Variants in EXOC5 observed in about 807,000 individuals in gnomAD.
The protein encoded by EXOC5 is SEC10-like 1.
Under a neutral mutation model 90.8 loss-of-function variants are expected in EXOC5, and 17 were observed. The observed-to-expected ratio is 0.19, with a 90% CI of 0.13 to 0.28. The LOEUF (loss-of-function observed/expected upper bound fraction) is 0.28. Ranked by LOEUF, EXOC5 falls within the 10% of genes least tolerant of loss-of-function variation. The probability of loss-of-function intolerance (pLI) is 1.00; values close to 1 mark genes in which losing one functional copy is unlikely to be tolerated. For missense variants in EXOC5, 569 were observed against 830.6 expected (o/e 0.69, Z 3.87); for synonymous variants, 260 against 270.0 (o/e 0.96, Z 0.36).
intron 5 of EXOC5, among the ~76,000 whole-genome samples, chr14:57,238,257 CAT>C (rs1883731804): frequency 2.0e-5 from 2 of 97,658 alleles, no homozygotes; most frequent in Admixed American, 2.3e-4. Context: ...CACACACACT[CAT>C]ATTCACCACC....
At chr14:57,254,004 A>C (rs1180377618) in intron 1 of EXOC5, among the ~76,000 whole-genome samples, 1 of 152,228 alleles carries the variant, frequency 6.6e-6, no homozygotes, top group Non-Finnish European at 1.5e-5. Flanking sequence ...AATCAGACTT[A>C]ATGAAAAATT....
intron 6 of EXOC5, among the ~76,000 whole-genome samples, chr14:57,236,624 G>A (rs369317894): frequency 1.3e-5 from 2 of 151,952 alleles, no homozygotes; most frequent in South Asian, 2.1e-4. Flanking sequence ...GGTTCTTAAC[G>A]AACACCTGAA....
At chr14:57,221,260 A>G (rs528751413) in intron 13 of EXOC5, among the ~76,000 whole-genome samples, 10 of 152,316 alleles carry the variant, frequency 6.6e-5, no homozygotes, top group African/African-American at 2.4e-4. Context: ...AGGAAAAACA[A>G]TAAGGGTCAG....
chr14:57,212,634 A>C (rs990409889), intron 15 of EXOC5, among the ~76,000 whole-genome samples: 3 of 152,172 alleles, frequency 2.0e-5, no homozygotes, highest in Admixed American at 6.5e-5. Flanking sequence ...ACTTATTCTC[A>C]CACCAGATTT....
intron 1 of EXOC5, among the ~76,000 whole-genome samples, chr14:57,248,289 A>G (rs1417639850): frequency 6.6e-6 from 1 of 152,032 alleles, no homozygotes; most frequent in African/African-American, 2.4e-5. Context: ...GGAAAAGCAT[A>G]TATGAATGCA....
chr14:57,263,857 C>G (rs1354033069), intron 1 of EXOC5, among the ~76,000 whole-genome samples: 2 of 151,544 alleles, frequency 1.3e-5, no homozygotes, highest in African/African-American at 4.8e-5. Context: ...CATCCTAACT[C>G]TTCTCAACTG....
intron 7 of EXOC5, among the ~76,000 whole-genome samples, chr14:57,234,262 T>C (rs1594664466): frequency 6.6e-6 from 1 of 151,902 alleles, no homozygotes; most frequent in Non-Finnish European, 1.5e-5. Flanking sequence ...CATATCCTTG[T>C]TGAACTTTAG....
chr14:57,244,095 T>C, intron 4 of EXOC5, 70 bp downstream of exon 4: 13 of 1,014,144 alleles, frequency 1.3e-5, no homozygotes, highest in Non-Finnish European at 1.9e-5. Flanking sequence ...TGGAAAGCAA[T>C]TATTGCAGCT....
At chr14:57,267,284 T>A (rs1318922028) in intron 1 of EXOC5, among the ~76,000 whole-genome samples, 1 of 152,230 alleles carries the variant, frequency 6.6e-6, no homozygotes, top group Admixed American at 6.5e-5. Context: ...GTCTTTCTTG[T>A]AATTACAATC....
intron 12 of EXOC5, among the ~76,000 whole-genome samples, chr14:57,223,020 A>G (rs984269433): frequency 2.6e-5 from 4 of 152,098 alleles, no homozygotes; most frequent in African/African-American, 9.7e-5. Context: ...TTCCTGATTA[A>G]GTGAACCTTT....
intron 15 of EXOC5, 26 bp downstream of exon 15, chr14:57,217,956 T>C: frequency 1.7e-6 from 2 of 1,161,232 alleles, no homozygotes; most frequent in South Asian, 2.5e-5. Context: ...TTTAAAAAAA[T>C]GCAAGAGACA....
intron 15 of EXOC5, among the ~76,000 whole-genome samples, chr14:57,213,351 C>T (rs1882880905): frequency 6.6e-6 from 1 of 151,418 alleles, no homozygotes; most frequent in Non-Finnish European, 1.5e-5. Context: ...CACTGCACAC[C>T]AGCCTGGGTG....
intron 2 of EXOC5, 148 bp from the exon 3 acceptor site, chr14:57,247,006 A>C (rs1242713037): frequency 5.3e-6 from 3 of 561,112 alleles, no homozygotes; most frequent in Non-Finnish European, 9.2e-6. Flanking sequence ...TCTTGTTAGA[A>C]ATTTCTTCAT....
chr14:57,268,067 A>AT (rs1884742888), intron 1 of EXOC5, among the ~76,000 whole-genome samples: 1 of 148,516 alleles, frequency 6.7e-6, no homozygotes, highest in Non-Finnish European at 1.5e-5. Flanking sequence ...TTATTGTCCA[A>AT]AAAAAAAAAA....
chr14:57,262,723 G>GTATATATACGTATATATGTGTGTGTGTA (rs1884550639), intron 1 of EXOC5, among the ~76,000 whole-genome samples: 3 of 141,150 alleles, frequency 2.1e-5, no homozygotes, highest in East Asian at 2.0e-4. Context: ...ATATGTGTGT[G>GTATATATACGTATATATGTGTGTGTGTA]TATATATACG....
chr14:57,212,783 C>T (rs1822797551), intron 15 of EXOC5, among the ~76,000 whole-genome samples: 1 of 152,140 alleles, frequency 6.6e-6, no homozygotes, highest in Non-Finnish European at 1.5e-5. Context: ...CATTGAACAG[C>T]CACGATTCCC....
intron 7 of EXOC5, 113 bp from the exon 8 acceptor site, chr14:57,234,145 A>ACAGGTGTTGC: frequency 1.4e-6 from 1 of 715,224 alleles, no homozygotes; most frequent in Non-Finnish European, 2.3e-6. Flanking sequence ...TAAATGGCCA[A>ACAGGTGTTGC]TAGCAACACC....
intron 1 of EXOC5, among the ~76,000 whole-genome samples, chr14:57,255,847 A>AG (rs1240902996): frequency 2.0e-5 from 3 of 152,046 alleles, no homozygotes; most frequent in Non-Finnish European, 4.4e-5. Context: ...GCAAAAAAAA[A>AG]AAAAAAAGGA....
rs1269220182 is a variant in EXOC5 at position 57,268,860 on chromosome 14, C to T, written c.-212G>A. 4 of 1,290,862 alleles carry T rather than the reference C, an allele frequency of 3.1e-6. No individual in the cohort carries two copies. In the African/African-American group the frequency reaches 4.7e-5, roughly 15 times the overall value. 80.0% of individuals were successfully genotyped at this position (1,290,862 alleles called of 1,614,324 possible). A position where few individuals can be genotyped will look rare whatever the true frequency, so the allele number is the denominator to read the frequency against. On this transcript the variant is annotated 5_prime_UTR_variant, in exon 1 of 18. Transcript: ENST00000621441. ...CTTGTCAGCTGCCTCCCGGCGCCGC[C>T]CGCGCTGCTCCCATTGTCACCGCCT...
Sources: allele counts gnomAD v4.1 joint callset (sites outside exome capture counted in the v4.1 genomes callset), GRCh38; gene constraint gnomAD v4.1.1; transcripts MANE v1.5; gene names NCBI Gene and HGNC (gene_info 2026-07-23, HGNC 2026-07-21).